The following FSTL4 variants were observed in gnomAD, a reference collection of about 807,000 sequenced individuals.
FSTL4 encodes follistatin-related protein 4.
In FSTL4, 28 loss-of-function variants were observed where a neutral mutation model predicts 78.2. That is an observed-to-expected ratio of 0.36 (90% CI 0.27 to 0.49). FSTL4 has a LOEUF of 0.49. Among genes scored for constraint, FSTL4 ranks in the 20% least tolerant of loss-of-function variants. FSTL4 has a pLI of 0.98. For synonymous variants in FSTL4, 422 were observed against 440.5 expected (o/e 0.96, Z 0.53); for missense variants, 922 against 1,084.9 (o/e 0.85, Z 2.11).
At chr5:133,838,582 A>T in the FSTL4 span, among the ~76,000 whole-genome samples, 2 of 152,186 alleles carry the variant, frequency 1.3e-5, no homozygotes, top group Admixed American at 6.5e-5. Flanking sequence ...AAAGACTCAA[A>T]TTGCTAAAAA....
Position 133,361,796 on chromosome 5 carries a change from T to G in FSTL4, c.409+38942A>C, listed in dbSNP as rs1191504101. Among the ~76,000 whole-genome samples the G allele has an allele frequency of 6.6e-6, 1 of 152,180 alleles. No homozygotes were observed. The highest frequency in any genetic ancestry group is 1.5e-5 in the Non-Finnish European group (1 of 68,028). Reference sequence around the variant, plus strand: ...GATTGAGGTGGGGATGGGGTTGCTGTTAGTATTGAGTGAGCAAGGACCAGG... The same window carrying G: ...GATTGAGGTGGGGATGGGGTTGCTGGTAGTATTGAGTGAGCAAGGACCAGG... On this transcript the variant is annotated intron_variant, in intron 4 of 15. Coordinates refer to ENST00000265342, the MANE Select transcript of FSTL4 (RefSeq NM_015082.2). This position sits in a 1 kb window ranked among gnomAD's most constrained non-coding sequence, Gnocchi z 4.3.
the FSTL4 span, among the ~76,000 whole-genome samples, chr5:133,773,239 A>C: frequency 2.0e-5 from 3 of 151,584 alleles, no homozygotes; most frequent in African/African-American, 7.3e-5. Context: ...AAAGTACTAC[A>C]AAATAAGTTC....
intron 3 of FSTL4, among the ~76,000 whole-genome samples, chr5:133,531,900 C>T (rs1759260829): frequency 6.6e-6 from 1 of 152,174 alleles, no homozygotes; most frequent in African/African-American, 2.4e-5. Context: ...AAGTACACTC[C>T]AGGTCAGGGA....
intron 12 of FSTL4, among the ~76,000 whole-genome samples, chr5:133,218,465 T>C (rs1750985886): frequency 6.6e-6 from 1 of 152,142 alleles, no homozygotes; most frequent in African/African-American, 2.4e-5. Flanking sequence ...TGACTCCTCT[T>C]TCTCAATTCC....
intron 8 of FSTL4, among the ~76,000 whole-genome samples, chr5:133,230,014 A>AAGTG (rs1751446809): frequency 6.6e-6 from 1 of 152,176 alleles, no homozygotes. Flanking sequence ...TTCACCCAGG[A>AAGTG]AGTGCTTCCT....
the FSTL4 span, among the ~76,000 whole-genome samples, chr5:133,753,114 CT>C: frequency 6.6e-6 from 1 of 152,096 alleles, no homozygotes; most frequent in East Asian, 1.9e-4. Context: ...AAGAAAAAGT[CT>C]TTTTGTGGTC....
At chr5:133,275,028 G>A (rs1752848439) in intron 6 of FSTL4, among the ~76,000 whole-genome samples, 1 of 152,100 alleles carries the variant, frequency 6.6e-6, no homozygotes, top group Admixed American at 6.5e-5. Flanking sequence ...TTGGGAGGCC[G>A]AGGCGGGTGG....
the FSTL4 span, among the ~76,000 whole-genome samples, chr5:133,619,333 C>G: frequency 6.6e-6 from 1 of 152,126 alleles, no homozygotes; most frequent in African/African-American, 2.4e-5. Flanking sequence ...GCAAATAACC[C>G]ATTCTAAAGC....
At chr5:133,637,722 C>T in the FSTL4 span, among the ~76,000 whole-genome samples, 1 of 151,896 alleles carries the variant, frequency 6.6e-6, no homozygotes. Context: ...TATGGAAGAG[C>T]TCTTCCTCTT....
At chr5:133,347,007 T>G (rs181433877) in intron 4 of FSTL4, among the ~76,000 whole-genome samples, 1 of 152,218 alleles carries the variant, frequency 6.6e-6, no homozygotes. Flanking sequence ...TAAAGGTTTT[T>G]TTTTATTAGA....
chr5:133,557,276 C>T (rs1450293856), intron 3 of FSTL4, among the ~76,000 whole-genome samples: 1 of 152,224 alleles, frequency 6.6e-6, no homozygotes, highest in Admixed American at 6.5e-5. Context: ...AGCACCTCCC[C>T]CCTGAAACGC....
chr5:133,489,971 T>C (rs1758223437), intron 3 of FSTL4, among the ~76,000 whole-genome samples: 1 of 152,378 alleles, frequency 6.6e-6, no homozygotes, highest in African/African-American at 2.4e-5. Context: ...AGGAAATACC[T>C]GTTTCTATGC....
At chr5:133,222,819 C>A (rs1751185845) in intron 11 of FSTL4, among the ~76,000 whole-genome samples, 1 of 152,238 alleles carries the variant, frequency 6.6e-6, no homozygotes, top group Non-Finnish European at 1.5e-5. Flanking sequence ...CCTCTCATTT[C>A]TCCTGTTGAG....
chr5:133,788,196 T>A, the FSTL4 span, among the ~76,000 whole-genome samples: 3 of 152,102 alleles, frequency 2.0e-5, no homozygotes, highest in Non-Finnish European at 4.4e-5. Flanking sequence ...GATGGGGAGA[T>A]CAGAAGCACG....
At chr5:133,568,296 A>G (rs1760074009) in intron 2 of FSTL4, among the ~76,000 whole-genome samples, 1 of 152,254 alleles carries the variant, frequency 6.6e-6, no homozygotes, top group Non-Finnish European at 1.5e-5. Context: ...CCATACTAGC[A>G]ACTAAAGAAG....
intron 6 of FSTL4, among the ~76,000 whole-genome samples, chr5:133,296,576 C>T (rs1281828271): frequency 6.6e-6 from 1 of 152,174 alleles, no homozygotes; most frequent in Non-Finnish European, 1.5e-5. Context: ...CACATCTTCC[C>T]CCAGTGACTG....
At chr5:133,217,900 C>T (rs1750966667) in intron 12 of FSTL4, among the ~76,000 whole-genome samples, 1 of 152,182 alleles carries the variant, frequency 6.6e-6, no homozygotes, top group Admixed American at 6.5e-5. Context: ...GCTCAGTGTG[C>T]TGATCTCTAT....
chr5:133,657,762 TTTTGTTTTTTTTG>T, the FSTL4 span, among the ~76,000 whole-genome samples: 1 of 114,570 alleles, frequency 8.7e-6, no homozygotes, highest in Non-Finnish European at 1.7e-5. Context: ...GCTTACTGTT[TTTTGTTTTTTTTG>T]TTTTTTTTTT....
intron 4 of FSTL4, among the ~76,000 whole-genome samples, chr5:133,362,908 AT>A (rs1007431545): frequency 1.3e-5 from 2 of 152,068 alleles, no homozygotes; most frequent in African/African-American, 4.8e-5. Flanking sequence ...TTTAAAATTC[AT>A]TTTTTTCTTT....
Sources: allele counts gnomAD v4.1 joint callset (sites outside exome capture counted in the v4.1 genomes callset), GRCh38; gene constraint gnomAD v4.1.1; non-coding constraint Gnocchi (gnomAD v3.1); transcripts MANE v1.5; gene names NCBI Gene and HGNC (gene_info 2026-07-23, HGNC 2026-07-21).